AP3B1: variants seen among roughly 807,000 people sequenced by gnomAD.
AP3B1 encodes the protein adaptor related protein complex 3 subunit beta 1, also known as AP-3 complex subunit beta-1.
AP3B1 carries 61 observed loss-of-function variants against 132.5 expected under a neutral mutation model. The ratio of observed to expected loss-of-function variants is 0.46; its 90% CI spans 0.37 to 0.57. The LOEUF is 0.57. Ranked by LOEUF, AP3B1 falls within the 20% of genes least tolerant of loss-of-function variation. AP3B1 has a pLI of 0.00. For synonymous variants in AP3B1, 388 were observed against 438.3 expected (o/e 0.89, Z 1.43); for missense variants, 1,120 against 1,289.4 (o/e 0.87, Z 2.01).
At chr5:78,094,307 T>G in intron 21 of AP3B1, among the ~76,000 whole-genome samples, 1 of 152,338 alleles carries the variant, frequency 6.6e-6, no homozygotes, top group South Asian at 2.1e-4. Context: ...AATGTTTTCT[T>G]ATGTATTGTT....
At chr5:78,219,520 GT>G (rs1746094556) in intron 6 of AP3B1, among the ~76,000 whole-genome samples, 1 of 152,110 alleles carries the variant, frequency 6.6e-6, no homozygotes, top group African/African-American at 2.4e-5. Flanking sequence ...AATGGTAACA[GT>G]TGATTGGAGA....
At chr5:78,246,498 T>C (rs1249671645) in intron 2 of AP3B1, among the ~76,000 whole-genome samples, 1 of 152,214 alleles carries the variant, frequency 6.6e-6, no homozygotes, top group Non-Finnish European at 1.5e-5. Flanking sequence ...GTAGAAATTT[T>C]TTTAATGAAA....
chr5:78,141,672 A>T (rs551193720), intron 14 of AP3B1, among the ~76,000 whole-genome samples: 9 of 152,274 alleles, frequency 5.9e-5, no homozygotes, highest in African/African-American at 1.9e-4. Flanking sequence ...TAATGGCAGA[A>T]ATAGTTACAG....
In AP3B1 at chr5:78,205,389, A is replaced by G. The variant is rs546613616; in HGVS notation, c.786+10666T>C. 2.2e-4 allele frequency among the ~76,000 whole-genome samples: 33 copies of G among 152,106 alleles called. 1 individual carries two copies. The South Asian group carries it at 6.8e-3, about 32-fold the overall frequency. On this transcript the variant is annotated intron_variant, in intron 7 of 26. Transcript: ENST00000255194. ...ATAAAAATAAAAACTAAATCATTAAATCAATAAATACATTATTTTAAAGAT... is the reference window on the plus strand; with the variant it reads ...ATAAAAATAAAAACTAAATCATTAAGTCAATAAATACATTATTTTAAAGAT...
chr5:78,010,665 C>T (rs1346322307), intron 26 of AP3B1, among the ~76,000 whole-genome samples: 1 of 152,100 alleles, frequency 6.6e-6, no homozygotes, highest in Non-Finnish European at 1.5e-5. Context: ...GTTTTCCTGG[C>T]CCTGAATGAA....
At chr5:78,207,130 C>A (rs572702204) in intron 7 of AP3B1, among the ~76,000 whole-genome samples, 1 of 151,950 alleles carries the variant, frequency 6.6e-6, no homozygotes, top group Admixed American at 6.6e-5. Context: ...TGGTGGCAGG[C>A]ACCTGTAATC....
At chr5:78,043,522 A>G in intron 22 of AP3B1, 2 of 335,276 alleles carry the variant, frequency 6.0e-6, no homozygotes. Context: ...GTAATGGGAT[A>G]GGCTATGAAC....
At chr5:78,087,145 C>T (rs1413586316) in intron 22 of AP3B1, among the ~76,000 whole-genome samples, 6 of 152,076 alleles carry the variant, frequency 3.9e-5, no homozygotes, top group Non-Finnish European at 2.9e-5. Flanking sequence ...TTCTATTCAA[C>T]TAGGACAACA....
rs1358042368 is a variant in AP3B1 at position 78,156,349 on chromosome 5, C to T, written c.1382G>A (p.Ser461Asn). 6 of 1,611,646 alleles carry T rather than the reference C, an allele frequency of 3.7e-6. No individual in the cohort carries two copies. The highest frequency in any genetic ancestry group is 5.1e-6 in the Non-Finnish European group (6 of 1,178,202). Reference protein sequence around the residue: ...SNRDEIVVAESVVVIKKLLQM... With the variant: ...SNRDEIVVAENVVVIKKLLQM... ...CAGTAATTTCTTTATAACAACCACA[C>T]TTTCAGCAACAACTATTTCTGAAAA... Residue 461 changes from serine to asparagine, a missense_variant, in exon 14 of 27, where the codon AGT (serine) becomes AAT (asparagine). Physicochemically the swap from Ser to Asn is conservative, Grantham distance 46 (BLOSUM62 1). Transcript: ENST00000255194.
chr5:78,104,028 A>C (rs1457116694), intron 20 of AP3B1, among the ~76,000 whole-genome samples: 2 of 152,160 alleles, frequency 1.3e-5, no homozygotes, highest in African/African-American at 4.8e-5. Flanking sequence ...AGAGGAAACC[A>C]TTGTAAAGAG....
At chr5:78,176,381 A>T (rs1459601075) in intron 9 of AP3B1, among the ~76,000 whole-genome samples, 1 of 152,186 alleles carries the variant, frequency 6.6e-6, no homozygotes, top group Non-Finnish European at 1.5e-5. Context: ...AAAGAGAAAA[A>T]TAATAGCTGG....
At chr5:78,018,851 T>C (rs1388618703) in intron 25 of AP3B1, among the ~76,000 whole-genome samples, 1 of 152,118 alleles carries the variant, frequency 6.6e-6, no homozygotes, top group Non-Finnish European at 1.5e-5. Flanking sequence ...TAGAGTAGTA[T>C]AACAAATACA....
chr5:78,064,991 G>A (rs561247197), intron 22 of AP3B1, among the ~76,000 whole-genome samples: 27 of 152,034 alleles, frequency 1.8e-4, no homozygotes, highest in Non-Finnish European at 3.5e-4. Flanking sequence ...ATCCTGCACC[G>A]GCAACTGAGG....
At chr5:78,031,834 TG>T (rs745604301) in intron 24 of AP3B1, among the ~76,000 whole-genome samples, 2 of 152,212 alleles carry the variant, frequency 1.3e-5, no homozygotes, top group African/African-American at 2.4e-5. Flanking sequence ...ATATTTTCAG[TG>T]TTCATTCACT....
At chr5:78,012,850 G>A (rs1486249192) in intron 26 of AP3B1, among the ~76,000 whole-genome samples, 1 of 152,204 alleles carries the variant, frequency 6.6e-6, no homozygotes, top group Non-Finnish European at 1.5e-5. Context: ...ATGGACAATT[G>A]AGAATTGATT....
At chr5:78,215,296 T>C (rs1038777890) in intron 7 of AP3B1, among the ~76,000 whole-genome samples, 1 of 152,112 alleles carries the variant, frequency 6.6e-6, no homozygotes, top group Non-Finnish European at 1.5e-5. Flanking sequence ...ATGAATGTGC[T>C]ATTCTTACAA....
intron 7 of AP3B1, among the ~76,000 whole-genome samples, chr5:78,211,148 G>A (rs894487485): frequency 2.0e-5 from 3 of 151,888 alleles, no homozygotes; most frequent in Admixed American, 6.6e-5. Flanking sequence ...CTATAAATAC[G>A]CCGTTATTTT....
At chr5:78,136,677 T>A (rs779311940) in intron 15 of AP3B1, among the ~76,000 whole-genome samples, 2 of 152,112 alleles carry the variant, frequency 1.3e-5, no homozygotes, top group African/African-American at 4.8e-5. Context: ...CATTGTAGTA[T>A]TTATTTGTTA....
At chr5:78,148,430 A>G (rs986812140) in intron 14 of AP3B1, among the ~76,000 whole-genome samples, 2 of 152,134 alleles carry the variant, frequency 1.3e-5, no homozygotes, top group African/African-American at 4.8e-5. Context: ...TCACCTCAAG[A>G]TAATTATTTT....
Sources: allele counts gnomAD v4.1 joint callset (sites outside exome capture counted in the v4.1 genomes callset), GRCh38; gene constraint gnomAD v4.1.1; transcripts MANE v1.5; gene names NCBI Gene and HGNC (gene_info 2026-07-23, HGNC 2026-07-21).